Variants in GPC5 observed in about 807,000 individuals in gnomAD.
GPC5 encodes the protein glypican-5.
In GPC5, 47 loss-of-function variants were observed where a neutral mutation model predicts 53.9. That is an observed-to-expected ratio of 0.87 (90% CI 0.69 to 1.11). The LOEUF (loss-of-function observed/expected upper bound fraction) is 1.11. Among genes scored for constraint, GPC5 ranks in the 50% most tolerant of loss-of-function variants. The pLI is 0.00. For missense variants in GPC5, 748 were observed against 713.1 expected (o/e 1.05, Z -0.56); for synonymous variants, 286 against 263.3 (o/e 1.09, Z -0.84).
chr13:91,583,069 A>G (rs2032428806), intron 2 of GPC5, among the ~76,000 whole-genome samples: 1 of 152,192 alleles, frequency 6.6e-6, no homozygotes. Context: ...ATAGAAGTCC[A>G]TTTGATAAAG....
chr13:92,438,766 C>T (rs1489625063), intron 7 of GPC5, among the ~76,000 whole-genome samples: 1 of 151,814 alleles, frequency 6.6e-6, no homozygotes, highest in Non-Finnish European at 1.5e-5. Flanking sequence ...GATTCTAAAA[C>T]AATTGGTAGT....
At chr13:92,850,480 G>A (rs1007655521) in intron 7 of GPC5, among the ~76,000 whole-genome samples, 1 of 152,044 alleles carries the variant, frequency 6.6e-6, no homozygotes, top group South Asian at 2.1e-4. Context: ...GGCACCTGTA[G>A]CACAGCTACT....
At position 92,678,968 on chromosome 13, in the gene GPC5, C is replaced by T. The variant is rs1259151329; in HGVS notation, c.1562-187314C>T. The stretch of plus-strand genomic sequence containing the variant: ...GTCAAATTTCAGAGCCTGAGCCAAA[C>T]GTCCCTATTTAATTATGATTAATAT... On this transcript the variant is annotated intron_variant, in intron 7 of 7. Coordinates refer to ENST00000377067, the MANE Select transcript of GPC5 (RefSeq NM_004466.6). Among the ~76,000 whole-genome samples, 17 of 152,090 alleles carry T rather than the reference C, an allele frequency of 1.1e-4. No homozygotes were observed. The South Asian group carries it at 1.9e-3, about 17-fold the overall frequency.
chr13:92,098,016 A>C lies in GPC5; in HGVS notation c.1402-46814A>C, dbSNP rs868035004. Among the ~76,000 whole-genome samples the C allele has an allele frequency of 3.3e-5, 5 of 152,056 alleles. No homozygotes were observed. The South Asian group carries it at 1.0e-3, about 32-fold the overall frequency. ...CACCTTTTTTATTTTTAGTGTTTAA[A>C]CTTTTATTTTAGGTTCAGGGATACA... On this transcript the variant is annotated intron_variant, in intron 6 of 7. Transcript: ENST00000377067.
chr13:92,106,539 C>G (rs528368146), intron 6 of GPC5, among the ~76,000 whole-genome samples: 1 of 151,874 alleles, frequency 6.6e-6, no homozygotes, highest in African/African-American at 2.4e-5. Flanking sequence ...TAAAAATTGT[C>G]TTAGAGTTCA....
At chr13:92,250,009 A>C (rs189249361) in intron 7 of GPC5, among the ~76,000 whole-genome samples, 8 of 152,250 alleles carry the variant, frequency 5.3e-5, no homozygotes, top group Non-Finnish European at 4.4e-5. Context: ...TTATAAATAT[A>C]CAGTAACAAA....
intron 7 of GPC5, among the ~76,000 whole-genome samples, chr13:92,543,981 T>G (rs1200103952): frequency 1.3e-5 from 2 of 152,006 alleles, no homozygotes; most frequent in South Asian, 2.1e-4. Context: ...GCTTGTTGTT[T>G]TTTTTTTAAA....
intron 7 of GPC5, among the ~76,000 whole-genome samples, chr13:92,804,271 G>C (rs746633827): frequency 1.3e-5 from 2 of 151,898 alleles, no homozygotes; most frequent in Non-Finnish European, 2.9e-5. Context: ...ACAGGCTTCA[G>C]CATCAGTATG....
At chr13:91,804,090 C>A (rs180675086) in intron 5 of GPC5, among the ~76,000 whole-genome samples, 2 of 152,216 alleles carry the variant, frequency 1.3e-5, no homozygotes, top group Non-Finnish European at 2.9e-5. Context: ...AGATGAAGAT[C>A]TCATTGAATA....
chr13:91,415,979 AT>A (rs1294660036), intron 1 of GPC5, among the ~76,000 whole-genome samples: 7 of 152,162 alleles, frequency 4.6e-5, no homozygotes, highest in Non-Finnish European at 8.8e-5. Context: ...GCATTTTATC[AT>A]TTTTGGTATC....
rs939950893 is a variant in GPC5, at chr13:91,629,657, TA to T, written c.326-63529del. On this transcript the variant is annotated intron_variant, in intron 2 of 7. Coordinates refer to ENST00000377067, the MANE Select transcript of GPC5 (RefSeq NM_004466.6). The stretch of plus-strand genomic sequence containing the variant: ...AAACTACATCTCAAAAATATGTATA[TA>T]TTTTTTTTCAAAGAGGACTAGGACT... Among the ~76,000 whole-genome samples, 10 of 152,158 alleles carry T rather than the reference TA, an allele frequency of 6.6e-5. No individual in the cohort carries two copies. The South Asian group carries it at 8.3e-4, about 13-fold the overall frequency.
chr13:92,417,455 T>C (rs1352893428), intron 7 of GPC5, among the ~76,000 whole-genome samples: 2 of 152,184 alleles, frequency 1.3e-5, no homozygotes, highest in African/African-American at 4.8e-5. Context: ...CCTCAAAACA[T>C]CAAAGTTATA....
At chr13:92,531,261 A>C (rs1881554450) in intron 7 of GPC5, among the ~76,000 whole-genome samples, 1 of 152,140 alleles carries the variant, frequency 6.6e-6, no homozygotes, top group Admixed American at 6.6e-5. Context: ...ATATTAGGTA[A>C]GAATATTGTC....
rs373288101 is a variant in GPC5, at chr13:92,636,683, G to A, written c.1562-229599G>A. ...TTTTATATATTGCTTCATATCTCCT[G>A]TATTCCACACGAATGGAAGGTACTG... On this transcript the variant is annotated intron_variant, in intron 7 of 7. Transcript: ENST00000377067. Among the ~76,000 whole-genome samples the A allele has an allele frequency of 5.3e-5, 8 of 152,130 alleles. No individual in the cohort carries two copies. The East Asian group carries it at 1.5e-3, about 29-fold the overall frequency.
intron 2 of GPC5, among the ~76,000 whole-genome samples, chr13:91,460,513 G>C (rs1881864884): frequency 6.6e-6 from 1 of 151,998 alleles, no homozygotes; most frequent in Non-Finnish European, 1.5e-5. Flanking sequence ...TGTTGGCTAG[G>C]CTGGTTTCGA....
At chr13:92,343,471 T>C (rs1188873335) in intron 7 of GPC5, among the ~76,000 whole-genome samples, 5 of 152,196 alleles carry the variant, frequency 3.3e-5, no homozygotes, top group African/African-American at 9.6e-5. Flanking sequence ...TATATTACTA[T>C]TTTATTTTTC....
intron 6 of GPC5, among the ~76,000 whole-genome samples, chr13:92,100,813 C>G (rs2041460399): frequency 6.6e-6 from 1 of 152,152 alleles, no homozygotes; most frequent in Non-Finnish European, 1.5e-5. Context: ...AAAGTTAATT[C>G]TCCAAAAACA....
intron 7 of GPC5, among the ~76,000 whole-genome samples, chr13:92,743,404 T>A (rs924681375): frequency 6.6e-6 from 1 of 151,932 alleles, no homozygotes; most frequent in Non-Finnish European, 1.5e-5. Context: ...ATTGGTGTAT[T>A]AGAATGCTTG....
At chr13:92,854,277 CTA>C (rs71686718) in intron 7 of GPC5, among the ~76,000 whole-genome samples, 7,512 of 140,358 alleles carry the variant, frequency 0.054, 627 homozygotes, top group African/African-American at 0.19. Flanking sequence ...TATAGATATC[CTA>C]TATATATATA....
Sources: allele counts gnomAD v4.1 joint callset (sites outside exome capture counted in the v4.1 genomes callset), GRCh38; gene constraint gnomAD v4.1.1; transcripts MANE v1.5; gene names NCBI Gene and HGNC (gene_info 2026-07-23, HGNC 2026-07-21).